Variants in DYNC2H1 observed in about 807,000 individuals in gnomAD.
DYNC2H1 encodes dynein cytoplasmic 2 heavy chain 1.
In DYNC2H1, 410 loss-of-function variants were observed where a neutral mutation model predicts 570.0. That is an observed-to-expected ratio of 0.72 (90% confidence interval 0.66 to 0.78). DYNC2H1 has a LOEUF of 0.78. DYNC2H1 is among the 30% of genes least tolerant of loss of function. DYNC2H1 has a pLI of 0.00. For missense variants in DYNC2H1, 4,865 were observed against 5,046.4 expected (o/e 0.96, Z 1.09); for synonymous variants, 1,688 against 1,677.6 (o/e 1.01, Z -0.15).
chr11:103,240,130 CAA>C (rs1864373686), intron 63 of DYNC2H1, among the ~76,000 whole-genome samples: 1 of 152,086 alleles, frequency 6.6e-6, no homozygotes, highest in African/African-American at 2.4e-5. Flanking sequence ...AAGGTTGGGG[CAA>C]GCTTCTGAAT....
intron 76 of DYNC2H1, among the ~76,000 whole-genome samples, chr11:103,304,019 G>A (rs544392429): frequency 6.6e-6 from 1 of 150,964 alleles, no homozygotes; most frequent in Non-Finnish European, 1.5e-5. Context: ...AGGAACTTTT[G>A]TTTGTTCAGG....
chr11:103,222,974 C>T lies in DYNC2H1; in HGVS notation c.9241C>T (p.Arg3081Cys), dbSNP rs1308841222. The change falls in exon 59 of 89, where the codon CGT (arginine) becomes TGT (cysteine). Residue 3081 changes from arginine to cysteine, a missense_variant. Arg to Cys is a radical substitution (Grantham distance 180). Coordinates refer to ENST00000375735, the MANE Select transcript of DYNC2H1 (RefSeq NM_001377.3). ...KGSFDPKNAK[R>C]ASTAAAPLAA... ...CTCATGGATTTTTCAGAATGCTAAGCGTGCCAGTACTGCAGCTGCACCTTT... is the reference window on the plus strand; with the variant it reads ...CTCATGGATTTTTCAGAATGCTAAGTGTGCCAGTACTGCAGCTGCACCTTT... 3 of 1,612,872 alleles carry T rather than the reference C, an allele frequency of 1.9e-6. No homozygotes were observed. Among genetic ancestry groups the T allele is most frequent in the Non-Finnish European group, 1.7e-6 (2 of 1,179,344 alleles).
intron 35 of DYNC2H1, 22 bp downstream of exon 35, chr11:103,173,327 AT>A: frequency 6.9e-7 from 1 of 1,440,884 alleles, no homozygotes; most frequent in Non-Finnish European, 9.2e-7. Context: ...TGTTCTAAAT[AT>A]TTTTATATTT....
chr11:103,336,857 T>G (rs1772391474), intron 82 of DYNC2H1, among the ~76,000 whole-genome samples: 1 of 152,024 alleles, frequency 6.6e-6, no homozygotes, highest in Non-Finnish European at 1.5e-5. Flanking sequence ...AACACAGGAG[T>G]GCAGATACCT....
At chr11:103,117,554 T>A in intron 5 of DYNC2H1, 77 bp from the exon 6 acceptor site, 2 of 1,179,718 alleles carry the variant, frequency 1.7e-6, no homozygotes, top group South Asian at 4.3e-5. Flanking sequence ...AAAAATATTG[T>A]CATAAGCATG....
At chr11:103,269,121 T>C (rs1239066613) in intron 70 of DYNC2H1, among the ~76,000 whole-genome samples, 3 of 152,220 alleles carry the variant, frequency 2.0e-5, no homozygotes, top group Non-Finnish European at 4.4e-5. Flanking sequence ...GATTTTTCAT[T>C]GCTTACTTTG....
chr11:103,141,706 C>G (rs1386602822), intron 17 of DYNC2H1, among the ~76,000 whole-genome samples: 1 of 152,182 alleles, frequency 6.6e-6, no homozygotes, highest in Non-Finnish European at 1.5e-5. Flanking sequence ...CTCAGATCTC[C>G]AGCTGCATGC....
chr11:103,457,538 TTAAAA>T (rs1311639587), intron 87 of DYNC2H1, among the ~76,000 whole-genome samples: 1 of 143,876 alleles, frequency 7.0e-6, no homozygotes, highest in African/African-American at 2.7e-5. Flanking sequence ...ATAGTAAAAA[TTAAAA>T]TAAATTTTAA....
At chr11:103,451,324 C>CTTTTTTTTTTTTTTTTTTTTTTT (rs34032894) in intron 85 of DYNC2H1, among the ~76,000 whole-genome samples, 2 of 71,008 alleles carry the variant, frequency 2.8e-5, no homozygotes, top group African/African-American at 6.7e-5. Context: ...AGTAAAAGGG[C>CTTTTTTTTTTTTTTTTTTTTTTT]TTTTTTTTTT....
chr11:103,154,898 A>G lies in DYNC2H1; in HGVS notation c.3573+89A>G. On this transcript the variant is annotated intron_variant, in intron 24 of 88. Transcript: ENST00000375735. ...ACTGAACTATATAATTTTACTTTAT[A>G]TGTTTTTCAATTAAATTATTCCGTT... The G allele has an allele frequency of 5.4e-6, 5 of 928,804 alleles. No individual in the cohort carries two copies. In the South Asian group the frequency reaches 7.1e-5, roughly 13 times the overall value. The allele number at this position is 928,804 out of a possible 1,614,324, so 57.5% of individuals were successfully genotyped here.
chr11:103,235,916 A>G, intron 62 of DYNC2H1, 103 bp downstream of exon 62: 1 of 1,382,186 alleles, frequency 7.2e-7, no homozygotes, highest in South Asian at 1.8e-5. Context: ...CTGTTATTTT[A>G]CCTTTTTTAA....
At chr11:103,398,819 A>G (rs980239684) in intron 83 of DYNC2H1, among the ~76,000 whole-genome samples, 2 of 152,134 alleles carry the variant, frequency 1.3e-5, no homozygotes, top group African/African-American at 4.8e-5. Flanking sequence ...GAACTGTCAT[A>G]TATCACAGGC....
chr11:103,349,946 C>A (rs1258366309), intron 82 of DYNC2H1, among the ~76,000 whole-genome samples: 1 of 152,068 alleles, frequency 6.6e-6, no homozygotes, highest in Non-Finnish European at 1.5e-5. Flanking sequence ...TTTCCCGCCT[C>A]CCCCTTTATC....
Position 103,171,060 on chromosome 11 carries a change from G to A in DYNC2H1, c.5326G>A (p.Gly1776Ser), listed in dbSNP as rs1180942590. The A allele has an allele frequency of 6.3e-7, 1 of 1,590,678 alleles. No individual in the cohort carries two copies. Among genetic ancestry groups the A allele is most frequent in the Admixed American group, 1.7e-5 (1 of 59,110 alleles). ...KNHRTVCELL[G>S]KEVEVNSNSG... is the part of the protein sequence containing the mutation. ...TCATAGAACTGTATGTGAACTGCTTGGCAAGGAGGTATAGAATATGTTGGG... is the reference window on the plus strand; with the variant it reads ...TCATAGAACTGTATGTGAACTGCTTAGCAAGGAGGTATAGAATATGTTGGG... Residue 1776 changes from glycine (G) to serine (S), a missense_variant, in exon 34 of 89, where the codon GGC (glycine) becomes AGC (serine). Physicochemically the swap from Gly to Ser is moderately conservative, Grantham distance 56. This residue lies in a region of DYNC2H1 where 292 missense variants were observed against 300.2 expected (regional missense o/e 0.97). Coordinates refer to ENST00000375735, the MANE Select transcript of DYNC2H1 (RefSeq NM_001377.3).
chr11:103,430,039 G>A (rs1943832577), intron 84 of DYNC2H1, among the ~76,000 whole-genome samples: 1 of 152,038 alleles, frequency 6.6e-6, no homozygotes, highest in Non-Finnish European at 1.5e-5. Flanking sequence ...TGCAGATAAT[G>A]GATTACTGGT....
intron 73 of DYNC2H1, 88 bp downstream of exon 73, chr11:103,283,173 A>G: frequency 2.8e-6 from 3 of 1,069,160 alleles, no homozygotes; most frequent in Non-Finnish European, 4.1e-6. Context: ...ATTCGTAATC[A>G]GTGTTAACAT....
At chr11:103,302,868 G>T (rs1867105580) in intron 75 of DYNC2H1, among the ~76,000 whole-genome samples, 1 of 151,942 alleles carries the variant, frequency 6.6e-6, no homozygotes, top group African/African-American at 2.4e-5. Context: ...GTAATAAGAA[G>T]ATGATATCAT....
chr11:103,455,293 A>G lies in DYNC2H1; in HGVS notation c.12564A>G (p.Ala4188=). The part of the protein sequence containing the change: ...TFLNALRQET[A]RAVGRSVDSL... ...TTAATGCTCTTCGCCAGGAAACTGC[A>G]AGGTAATTAAAATGAAATACTTTAC... Residue 4188 remains alanine, a splice_region_variant and synonymous_variant, in exon 86 of 89, where the codon GCA becomes GCG. Coordinates refer to ENST00000375735, the MANE Select transcript of DYNC2H1 (RefSeq NM_001377.3). 1 of 1,612,366 alleles carries G rather than the reference A, an allele frequency of 6.2e-7. No homozygotes were observed. Among genetic ancestry groups the G allele is most frequent in the Non-Finnish European group, 8.5e-7 (1 of 1,178,764 alleles).
At chr11:103,197,091 GA>G (rs1418638600) in intron 47 of DYNC2H1, among the ~76,000 whole-genome samples, 1 of 151,982 alleles carries the variant, frequency 6.6e-6, no homozygotes, top group Non-Finnish European at 1.5e-5. Flanking sequence ...AGATTTAAGG[GA>G]AGTTTGGGGG....
Sources: gnomAD v4.1 joint callset for allele counts (sites outside exome capture counted in the v4.1 genomes callset) on GRCh38, gnomAD v4.1.1 for gene constraint, gnomAD v4.1.1 regional missense constraint, MANE v1.5 for transcripts, NCBI Gene and HGNC (gene_info 2026-07-23, HGNC 2026-07-21) for gene names.